The following MICU3 variants were observed in gnomAD, a reference collection of about 807,000 sequenced individuals.
MICU3 encodes the protein mitochondrial calcium uptake 3.
MICU3 carries 62 observed loss-of-function variants against 66.5 expected under a neutral mutation model. The observed-to-expected ratio is 0.93, with a 90% CI of 0.76 to 1.15. MICU3 has a LOEUF of 1.15. MICU3 is among the 50% of genes most tolerant of loss of function. MICU3 has a pLI of 0.00. For missense variants in MICU3, 779 were observed against 664.4 expected (o/e 1.17, Z -1.90); for synonymous variants, 308 against 240.7 (o/e 1.28, Z -2.59).
At chr8:17,118,625 C>G (rs1466150139) in intron 13 of MICU3, 82 bp from the exon 14 acceptor site, 2 of 907,242 alleles carry the variant, frequency 2.2e-6, no homozygotes, top group Non-Finnish European at 3.5e-6. Flanking sequence ...ATGAGTTTGA[C>G]TTTTTAGATT....
chr8:17,056,153 G>A (rs1205277990), intron 1 of MICU3, among the ~76,000 whole-genome samples: 4 of 152,140 alleles, frequency 2.6e-5, no homozygotes. Flanking sequence ...ATCTTAGAAG[G>A]TCACTTAAAG....
At chr8:17,028,606 GT>G (rs1229991493) in intron 1 of MICU3, among the ~76,000 whole-genome samples, 5 of 152,204 alleles carry the variant, frequency 3.3e-5, no homozygotes, top group Non-Finnish European at 7.3e-5. Flanking sequence ...TATAGGCTTT[GT>G]TCTTAATACG....
chr8:17,102,338 T>G (rs1190624272), intron 9 of MICU3: 2 of 151,972 alleles, frequency 1.3e-5, no homozygotes, highest in Non-Finnish European at 2.9e-5. Context: ...TAAGCTAGAC[T>G]CTATTAAATC....
chr8:17,061,006 T>G (rs1217408198), intron 1 of MICU3, among the ~76,000 whole-genome samples: 1 of 152,172 alleles, frequency 6.6e-6, no homozygotes. Flanking sequence ...AGATTTCTTT[T>G]CATACCCTTA....
At chr8:17,097,116 A>G (rs987473426) in intron 8 of MICU3, among the ~76,000 whole-genome samples, 3 of 151,486 alleles carry the variant, frequency 2.0e-5, no homozygotes, top group Non-Finnish European at 4.4e-5. Context: ...GGGTTTAACA[A>G]TCCCTTTCTT....
chr8:17,063,666 A>C (rs187824389), intron 1 of MICU3, among the ~76,000 whole-genome samples: 1 of 152,274 alleles, frequency 6.6e-6, no homozygotes, highest in East Asian at 1.9e-4. Context: ...ATTCTTTTAG[A>C]AAATTAGTGG....
chr8:17,100,717 T>TA (rs1316278326), intron 9 of MICU3, among the ~76,000 whole-genome samples: 18 of 151,726 alleles, frequency 1.2e-4, no homozygotes, highest in Non-Finnish European at 2.2e-4. Flanking sequence ...CATAGATTTT[T>TA]AAAATTACAG....
At chr8:17,124,397 A>AC (rs1803350969), downstream of MICU3, among the ~76,000 whole-genome samples, 1 of 152,046 alleles carries the variant, frequency 6.6e-6, no homozygotes, top group Admixed American at 6.6e-5. Context: ...CTTCTCCCAG[A>AC]CTGGTGACCA....
At chr8:17,132,979 A>G in the MICU3 span, 6,832 of 152,360 alleles carry the variant, frequency 0.045, 238 homozygotes, top group Non-Finnish European at 0.068. Flanking sequence ...CCAGGTGAAG[A>G]GCCACAAGAA....
chr8:17,136,670 T>C, the MICU3 span, among the ~76,000 whole-genome samples: 1 of 151,776 alleles, frequency 6.6e-6, no homozygotes, highest in Non-Finnish European at 1.5e-5. Flanking sequence ...CCAGTCTTCA[T>C]CCCCCAACAG....
intron 1 of MICU3, among the ~76,000 whole-genome samples, chr8:17,037,847 C>T (rs1223666590): frequency 6.6e-6 from 1 of 152,176 alleles, no homozygotes; most frequent in Non-Finnish European, 1.5e-5. Flanking sequence ...TCAGTGTGAC[C>T]TGGATGTGAG....
At chr8:17,111,921 A>G (rs77061944) in intron 11 of MICU3, among the ~76,000 whole-genome samples, 6,361 of 152,280 alleles carry the variant, frequency 0.042, 192 homozygotes, top group Non-Finnish European at 0.062. Context: ...AAAACTTACA[A>G]TCATGGCGGA....
chr8:17,062,406 T>TA (rs1817977689), intron 1 of MICU3, among the ~76,000 whole-genome samples: 1 of 152,170 alleles, frequency 6.6e-6, no homozygotes, highest in Non-Finnish European at 1.5e-5. Context: ...TTCCATTTCT[T>TA]ATGCCGTTAG....
intron 1 of MICU3, among the ~76,000 whole-genome samples, chr8:17,038,033 A>G (rs1295007519): frequency 1.3e-5 from 2 of 152,072 alleles, no homozygotes; most frequent in Non-Finnish European, 2.9e-5. Context: ...CTTGCTTTTG[A>G]TTTTATAGGC....
intron 6 of MICU3, 68 bp from the exon 7 acceptor site, chr8:17,086,896 C>A (rs115795420): frequency 2.0e-6 from 2 of 994,274 alleles, no homozygotes; most frequent in Non-Finnish European, 3.2e-6. Flanking sequence ...TATACCTAGT[C>A]CAGAATAGTA....
chr8:17,135,841 C>T, the MICU3 span, among the ~76,000 whole-genome samples: 1 of 151,988 alleles, frequency 6.6e-6, no homozygotes, highest in Admixed American at 6.6e-5. Context: ...ACTGATAAAT[C>T]GGTTATATCA....
chr8:17,114,094 G>C lies in MICU3; in HGVS notation c.1259G>C (p.Gly420Ala). Residue 420 changes from glycine to alanine, a missense_variant and splice_region_variant, in exon 12 of 15, where the codon GGC becomes GCC. By Grantham distance (60) the Gly-to-Ala change is moderately conservative. Coordinates refer to ENST00000318063, the MANE Select transcript of MICU3 (RefSeq NM_181723.3). ...NVRYSIPEEK[G>A]ITFDEFRSFF... Reference sequence around the variant, plus strand: ...TTTTCATTTCCTTTCCCAATATAGGGCATCACATTTGATGAATTCAGGTCA... The same window carrying C: ...TTTTCATTTCCTTTCCCAATATAGGCCATCACATTTGATGAATTCAGGTCA... 1.3e-6 allele frequency: 2 copies of C among 1,598,070 alleles called. No homozygotes were observed. Among genetic ancestry groups the C allele is most frequent in the Non-Finnish European group, 1.7e-6 (2 of 1,168,724 alleles).
intron 5 of MICU3, among the ~76,000 whole-genome samples, chr8:17,083,528 A>G (rs191347443): frequency 1.9e-4 from 29 of 152,298 alleles, no homozygotes; most frequent in Middle Eastern, 3.4e-3. Flanking sequence ...TAACTAAACA[A>G]GAAGCAACTG....
intron 4 of MICU3, among the ~76,000 whole-genome samples, chr8:17,080,955 C>T (rs928095828): frequency 3.9e-5 from 6 of 152,124 alleles, no homozygotes; most frequent in African/African-American, 1.2e-4. Flanking sequence ...TCAGTATCTA[C>T]TTGGAAGGTC....
Sources: gnomAD v4.1 joint callset for allele counts (sites outside exome capture counted in the v4.1 genomes callset) on GRCh38, gnomAD v4.1.1 for gene constraint, MANE v1.5 for transcripts, NCBI Gene and HGNC (gene_info 2026-07-23, HGNC 2026-07-21) for gene names.